The following AFG1L variants were observed in gnomAD, a reference collection of about 807,000 sequenced individuals.
The protein encoded by AFG1L is AFG1-like ATPase.
AFG1L carries 53 observed loss-of-function variants against 62.2 expected under a neutral mutation model. The ratio of observed to expected loss-of-function variants is 0.85; its 90% confidence interval spans 0.68 to 1.07. AFG1L has a LOEUF of 1.07. Ranked by LOEUF, AFG1L falls within the 50% of genes least tolerant of loss-of-function variation. The probability of loss-of-function intolerance (pLI) is 0.00; values close to 1 mark genes in which losing one functional copy is unlikely to be tolerated. For synonymous variants in AFG1L, 228 were observed against 210.3 expected (o/e 1.08, Z -0.73); for missense variants, 555 against 590.5 (o/e 0.94, Z 0.62).
chr6:108,296,856 A>G (rs1298619832), intron 1 of AFG1L, among the ~76,000 whole-genome samples: 1 of 152,204 alleles, frequency 6.6e-6, no homozygotes, highest in East Asian at 1.9e-4. Flanking sequence ...CTTTCTACAT[A>G]CATTATCTTA....
At chr6:108,465,001 C>A (rs1176780748) in intron 8 of AFG1L, among the ~76,000 whole-genome samples, 1 of 152,110 alleles carries the variant, frequency 6.6e-6, no homozygotes, top group Admixed American at 6.5e-5. Flanking sequence ...AATTCTTTAT[C>A]CTTACTCAGT....
At chr6:108,473,324 G>A (rs1772978483) in intron 8 of AFG1L, among the ~76,000 whole-genome samples, 1 of 152,140 alleles carries the variant, frequency 6.6e-6, no homozygotes. Flanking sequence ...AGACCATAGA[G>A]TAATAAAGAA....
rs565742327 is a variant in AFG1L at position 108,335,049 on chromosome 6, A to G, written c.363+11001A>G. Among the ~76,000 whole-genome samples the G allele has an allele frequency of 2.0e-5, 3 of 150,526 alleles. No homozygotes were observed. The South Asian group carries it at 6.3e-4, about 31-fold the overall frequency. ...CACTCTGTCACCCAGGCTGGAGTGTAGTGGCACGATCTCAGCTCGTGGCAA... is the reference window on the plus strand; with the variant it reads ...CACTCTGTCACCCAGGCTGGAGTGTGGTGGCACGATCTCAGCTCGTGGCAA... On this transcript the variant is annotated intron_variant, in intron 2 of 12. Transcript: ENST00000368977.
intron 6 of AFG1L, among the ~76,000 whole-genome samples, chr6:108,397,231 G>A (rs369476004): frequency 1.1e-4 from 17 of 152,192 alleles, no homozygotes; most frequent in African/African-American, 3.6e-4. Context: ...GGGTTCAAGC[G>A]ATTCTCCTGC....
chr6:108,377,498 A>T (rs775885640), intron 6 of AFG1L, among the ~76,000 whole-genome samples: 1 of 152,154 alleles, frequency 6.6e-6, no homozygotes, highest in Non-Finnish European at 1.5e-5. Flanking sequence ...CTTCTTTGCT[A>T]TGAAACTTAA....
intron 7 of AFG1L, among the ~76,000 whole-genome samples, chr6:108,408,507 C>G (rs549553081): frequency 6.6e-6 from 1 of 152,312 alleles, no homozygotes; most frequent in South Asian, 2.1e-4. Context: ...CCAACTGTTT[C>G]AGCATCCCAA....
chr6:108,458,481 T>C (rs1045722428), intron 8 of AFG1L, among the ~76,000 whole-genome samples: 69 of 152,238 alleles, frequency 4.5e-4, no homozygotes, highest in African/African-American at 1.7e-3. Context: ...TTTCTTTCCC[T>C]TTTCTTTTCT....
At chr6:108,511,625 C>T (rs1238306360) in intron 11 of AFG1L, among the ~76,000 whole-genome samples, 1 of 152,120 alleles carries the variant, frequency 6.6e-6, no homozygotes, top group African/African-American at 2.4e-5. Context: ...AGCAAAAGTA[C>T]AATTTGAAAT....
chr6:108,420,118 C>A (rs1267742574), intron 7 of AFG1L, among the ~76,000 whole-genome samples: 2 of 152,118 alleles, frequency 1.3e-5, no homozygotes, highest in Non-Finnish European at 2.9e-5. Flanking sequence ...TCTATGACCT[C>A]TACTGCGTTG....
chr6:108,525,104 A>C lies in AFG1L; in HGVS notation c.*2679A>C, dbSNP rs1218655287. On this transcript the variant is annotated 3_prime_UTR_variant, in exon 13 of 13. Transcript: ENST00000368977. ...TACTGCTGTGGAAAGCTCCTGCTCA[A>C]TTCAAAACACAGACCGGGGGGATGT... The C allele has an allele frequency of 1.3e-5, 2 of 152,254 alleles. No individual in the cohort carries two copies. Among genetic ancestry groups the C allele is most frequent in the Admixed American group, 1.3e-4 (2 of 15,282 alleles). 9.4% of individuals were successfully genotyped at this position (152,254 alleles called of 1,614,324 possible). A position where few individuals can be genotyped will look rare whatever the true frequency, so the allele number is the denominator to read the frequency against.
intron 7 of AFG1L, among the ~76,000 whole-genome samples, chr6:108,416,889 G>T (rs1389711046): frequency 6.6e-6 from 1 of 151,840 alleles, no homozygotes; most frequent in Admixed American, 6.6e-5. Flanking sequence ...AAACCTGCAT[G>T]TTGTGCACAT....
intron 6 of AFG1L, among the ~76,000 whole-genome samples, chr6:108,397,585 C>G (rs776514254): frequency 6.6e-6 from 1 of 151,978 alleles, no homozygotes; most frequent in Non-Finnish European, 1.5e-5. Flanking sequence ...TTTTTTGTAC[C>G]CATTATCCAT....
chr6:108,514,236 G>A (rs1349429788), intron 11 of AFG1L, among the ~76,000 whole-genome samples: 10 of 152,266 alleles, frequency 6.6e-5, no homozygotes, highest in Admixed American at 2.0e-4. Flanking sequence ...GCAGCTCCTC[G>A]CTAGCAACGG....
chr6:108,346,993 TTC>T lies in AFG1L; in HGVS notation c.370_371del (p.Ser124LysfsTer54). ...AATTTGTTCTTAATTTGCAGCTTTT[TTC>T]AAGGAGCAAACCTCCAAGGGGCCTG... is the stretch of plus-strand genomic sequence containing the variant. ...EAEGLFSKLF[S>X]RSKPPRGLYV... is the part of the protein sequence containing the mutation. On this transcript the variant is annotated frameshift_variant, in exon 3 of 13. Coordinates refer to ENST00000368977, the MANE Select transcript of AFG1L (RefSeq NM_145315.5). LOFTEE classifies it high-confidence loss of function. 6.2e-7 allele frequency: 1 copy of T among 1,613,116 alleles called. No homozygotes were observed. The highest frequency in any genetic ancestry group is 8.5e-7 in the Non-Finnish European group (1 of 1,179,226).
chr6:108,446,491 C>CT (rs1184074963), intron 7 of AFG1L, among the ~76,000 whole-genome samples: 1,546 of 122,294 alleles, frequency 0.013, 39 homozygotes, highest in Middle Eastern at 0.038. Context: ...CTCTCTCTCT[C>CT]TTTTTTTTTT....
rs938921363 is a variant in AFG1L at position 108,467,414 on chromosome 6, T to G, written c.891-9451T>G. Among the ~76,000 whole-genome samples the G allele has an allele frequency of 3.9e-5, 6 of 152,138 alleles. No individual in the cohort carries two copies. The East Asian group carries it at 1.2e-3, about 29-fold the overall frequency. ...GCCCCCGCCACCACACCTGGCTAGT[T>G]TTTTAATATTTTTAGTAGAGATGGA... On this transcript the variant is annotated intron_variant, in intron 8 of 12. Transcript: ENST00000368977.
chr6:108,309,599 GA>G (rs1182598531), intron 1 of AFG1L, among the ~76,000 whole-genome samples: 3 of 152,024 alleles, frequency 2.0e-5, no homozygotes, highest in Non-Finnish European at 2.9e-5. Context: ...TCTGCTATTG[GA>G]AAACTGTTCA....
chr6:108,507,588 T>A (rs546113168), intron 10 of AFG1L, among the ~76,000 whole-genome samples: 152 of 152,376 alleles, frequency 1.0e-3, no homozygotes, highest in Non-Finnish European at 1.6e-3. Context: ...TCCTTGGGCA[T>A]GTAGTTATTC....
rs577103291 is a variant in AFG1L, at chr6:108,407,080, G to A, written c.807+5026G>A. Among the ~76,000 whole-genome samples, 3 of 152,266 alleles carry A rather than the reference G, an allele frequency of 2.0e-5. No individual in the cohort carries two copies. In the East Asian group the frequency reaches 5.8e-4, roughly 29 times the overall value. On this transcript the variant is annotated intron_variant, in intron 7 of 12. Coordinates refer to ENST00000368977, the MANE Select transcript of AFG1L (RefSeq NM_145315.5). ...CTGGTTGGCTGGGATGAAAGTTCCAGTTCCTACTTGGCCTTCTGTGACATC... is the reference window on the plus strand; with the variant it reads ...CTGGTTGGCTGGGATGAAAGTTCCAATTCCTACTTGGCCTTCTGTGACATC...
Sources: gnomAD v4.1 joint callset for allele counts (sites outside exome capture counted in the v4.1 genomes callset) on GRCh38, gnomAD v4.1.1 for gene constraint, MANE v1.5 for transcripts, NCBI Gene and HGNC (gene_info 2026-07-23, HGNC 2026-07-21) for gene names.